The following CHSY3 variants were observed in gnomAD, a reference collection of about 807,000 sequenced individuals.
CHSY3 encodes chondroitin sulfate synthase 3.
CHSY3 carries 35 observed loss-of-function variants against 67.2 expected under a neutral mutation model. The ratio of observed to expected loss-of-function variants is 0.52; its 90% CI spans 0.40 to 0.69. The LOEUF (loss-of-function observed/expected upper bound fraction) is 0.69. CHSY3 is among the 30% of genes least tolerant of loss of function. The pLI, the probability that CHSY3 is intolerant of heterozygous loss-of-function variation, is 0.00. For missense variants in CHSY3, 1,069 were observed against 1,138.5 expected (o/e 0.94, Z 0.88); for synonymous variants, 474 against 434.7 (o/e 1.09, Z -1.12).
At chr5:129,991,985 C>G (rs1763382817) in intron 2 of CHSY3, among the ~76,000 whole-genome samples, 1 of 152,134 alleles carries the variant, frequency 6.6e-6, no homozygotes, top group African/African-American at 2.4e-5. Context: ...ACAAACTGTT[C>G]TTTGTTTCTC....
At chr5:130,043,439 G>A (rs1765059314) in intron 2 of CHSY3, among the ~76,000 whole-genome samples, 1 of 152,098 alleles carries the variant, frequency 6.6e-6, no homozygotes, top group African/African-American at 2.4e-5. Flanking sequence ...CATGAATTTG[G>A]ATGTCTGGAG....
chr5:130,139,357 T>A (rs979888684), intron 2 of CHSY3, among the ~76,000 whole-genome samples: 1 of 152,130 alleles, frequency 6.6e-6, no homozygotes, highest in African/African-American at 2.4e-5. Context: ...ATTTTTCCCA[T>A]CATATGAAGT....
chr5:130,085,248 T>C (rs555342219), intron 2 of CHSY3, among the ~76,000 whole-genome samples: 1 of 152,156 alleles, frequency 6.6e-6, no homozygotes, highest in South Asian at 2.1e-4. Context: ...CTAAAATTTG[T>C]AAAACTTTTT....
chr5:130,128,933 T>G (rs887640801), intron 2 of CHSY3, among the ~76,000 whole-genome samples: 4 of 148,832 alleles, frequency 2.7e-5, no homozygotes, highest in Non-Finnish European at 3.0e-5. Flanking sequence ...AATGTGAGGT[T>G]TTTTTTTTTT....
intron 2 of CHSY3, among the ~76,000 whole-genome samples, chr5:129,979,856 CT>C (rs1287318237): frequency 6.6e-6 from 1 of 152,114 alleles, no homozygotes; most frequent in Admixed American, 6.6e-5. Flanking sequence ...AGTACATAAC[CT>C]TTTTCGCTTG....
At chr5:129,945,651 C>T (rs1168984901) in intron 2 of CHSY3, among the ~76,000 whole-genome samples, 2 of 151,996 alleles carry the variant, frequency 1.3e-5, no homozygotes, top group East Asian at 3.9e-4. Flanking sequence ...ATTTTTCCTT[C>T]GGACAGTATG....
At chr5:129,945,088 T>C (rs1761812149) in intron 2 of CHSY3, among the ~76,000 whole-genome samples, 1 of 152,252 alleles carries the variant, frequency 6.6e-6, no homozygotes, top group African/African-American at 2.4e-5. Flanking sequence ...GGAATTAAAA[T>C]GAGCCTGTTT....
chr5:130,052,405 C>T (rs1378129869), intron 2 of CHSY3, among the ~76,000 whole-genome samples: 1 of 152,170 alleles, frequency 6.6e-6, no homozygotes, highest in Admixed American at 6.5e-5. Context: ...CTATTAGCTA[C>T]ATAATTGCCA....
intron 2 of CHSY3, among the ~76,000 whole-genome samples, chr5:130,015,438 A>G (rs1397480967): frequency 1.3e-5 from 2 of 152,218 alleles, no homozygotes; most frequent in East Asian, 3.8e-4. Context: ...ATGAACAGAC[A>G]CTTCACAAAA....
At chr5:130,001,773 C>G in intron 2 of CHSY3, 5 of 832,088 alleles carry the variant, frequency 6.0e-6, no homozygotes, top group Non-Finnish European at 7.2e-6. Context: ...TGAACATGCC[C>G]TCGCTGATAG....
intron 2 of CHSY3, among the ~76,000 whole-genome samples, chr5:130,076,628 A>G (rs1272586638): frequency 6.6e-6 from 1 of 151,948 alleles, no homozygotes; most frequent in Non-Finnish European, 1.5e-5. Context: ...AAGAAAAAAA[A>G]TATGTTAAGA....
intron 2 of CHSY3, among the ~76,000 whole-genome samples, chr5:130,061,356 AAT>A: frequency 6.6e-6 from 1 of 152,250 alleles, no homozygotes; most frequent in South Asian, 2.1e-4. Flanking sequence ...ATAGGCCAGC[AAT>A]ATGCAGAGGA....
At chr5:129,947,926 A>G (rs1274639179) in intron 2 of CHSY3, among the ~76,000 whole-genome samples, 2 of 152,226 alleles carry the variant, frequency 1.3e-5, no homozygotes, top group Middle Eastern at 3.4e-3. Context: ...GAAAATATCT[A>G]TGTTCTTTGC....
chr5:129,967,098 A>G (rs1174716315), intron 2 of CHSY3, among the ~76,000 whole-genome samples: 1 of 151,870 alleles, frequency 6.6e-6, no homozygotes, highest in Non-Finnish European at 1.5e-5. Context: ...GTTTAACATC[A>G]GAATTCACTC....
intron 2 of CHSY3, among the ~76,000 whole-genome samples, chr5:130,088,418 T>A (rs1177728062): frequency 6.6e-6 from 1 of 150,990 alleles, no homozygotes. Flanking sequence ...CAAAAGAAAT[T>A]ACCATCAGAG....
At chr5:129,987,613 C>G (rs773978251) in intron 2 of CHSY3, among the ~76,000 whole-genome samples, 1 of 152,142 alleles carries the variant, frequency 6.6e-6, no homozygotes. Flanking sequence ...GATACTAGAG[C>G]TTTGGTACTG....
rs138900858 is a variant in CHSY3, at chr5:130,184,483, A to C, written c.1341A>C (p.Gly447=). Residue 447 remains glycine, a synonymous_variant, in exon 3 of 3, where the codon GGA becomes GGC. Coordinates refer to ENST00000305031, the MANE Select transcript of CHSY3 (RefSeq NM_175856.5). ...TEVSKEDQQL[G]VIPSFNHFQP... is the part of the protein sequence containing the mutation. ...TGAGCAAAGAGGACCAGCAGCTGGG[A>C]GTGATACCTTCTTTCAACCACTTCC... The C allele has an allele frequency of 6.8e-6, 11 of 1,613,042 alleles. No individual in the cohort carries two copies. The African/African-American group carries it at 1.5e-4, about 22-fold the overall frequency.
At chr5:130,142,445 A>G (rs1267665326) in intron 2 of CHSY3, among the ~76,000 whole-genome samples, 1 of 152,098 alleles carries the variant, frequency 6.6e-6, no homozygotes, top group Non-Finnish European at 1.5e-5. Context: ...GAAAACTGAA[A>G]CCTCGCTTTT....
At chr5:130,028,362 A>G (rs1764610984) in intron 2 of CHSY3, among the ~76,000 whole-genome samples, 1 of 152,062 alleles carries the variant, frequency 6.6e-6, no homozygotes, top group Non-Finnish European at 1.5e-5. Flanking sequence ...CCACACATCT[A>G]CAACCATCTG....
Sources: allele counts gnomAD v4.1 joint callset (sites outside exome capture counted in the v4.1 genomes callset), GRCh38; gene constraint gnomAD v4.1.1; transcripts MANE v1.5; gene names NCBI Gene and HGNC (gene_info 2026-07-23, HGNC 2026-07-21).